Variants in MAGI1 observed in about 807,000 individuals in gnomAD.
MAGI1 encodes the protein membrane-associated guanylate kinase, WW and PDZ domain-containing protein 1.
A neutral mutation model predicts 139.9 loss-of-function variants in MAGI1; 58 were observed. The observed-to-expected ratio is 0.41, with a 90% CI of 0.34 to 0.52. MAGI1 has a LOEUF of 0.52. Among genes scored for constraint, MAGI1 ranks in the 20% least tolerant of loss-of-function variants. The pLI is 0.12. For missense variants in MAGI1, 1,874 were observed against 1,901.6 expected (o/e 0.99, Z 0.27); for synonymous variants, 812 against 737.9 (o/e 1.10, Z -1.63).
chr3:65,799,982 T>C (rs2040412218), intron 1 of MAGI1, among the ~76,000 whole-genome samples: 1 of 152,246 alleles, frequency 6.6e-6, no homozygotes, highest in African/African-American at 2.4e-5. Flanking sequence ...AATAAGTTAA[T>C]ACTACGTTTC....
chr3:66,024,735 G>A (rs1328542581), intron 1 of MAGI1, among the ~76,000 whole-genome samples: 6 of 152,170 alleles, frequency 3.9e-5, no homozygotes, highest in Non-Finnish European at 5.9e-5. Flanking sequence ...GAACCCAGGA[G>A]GCGGAGGTTG....
chr3:65,944,704 C>A (rs914961014), intron 1 of MAGI1, among the ~76,000 whole-genome samples: 5 of 152,000 alleles, frequency 3.3e-5, no homozygotes, highest in Non-Finnish European at 7.4e-5. Flanking sequence ...CAAGAAACTT[C>A]TAGAAGTATG....
chr3:65,829,153 T>C (rs1221159866), intron 1 of MAGI1, among the ~76,000 whole-genome samples: 2 of 152,154 alleles, frequency 1.3e-5, no homozygotes, highest in Non-Finnish European at 2.9e-5. Flanking sequence ...AATAATAAAT[T>C]GTGTTGTTTT....
intron 1 of MAGI1, among the ~76,000 whole-genome samples, chr3:65,750,428 C>A (rs1341910186): frequency 6.6e-6 from 1 of 152,160 alleles, no homozygotes; most frequent in Admixed American, 6.5e-5. Flanking sequence ...ATCAAATTAA[C>A]AAGCTAGATG....
chr3:65,494,801 T>C (rs536968139), intron 2 of MAGI1, among the ~76,000 whole-genome samples: 10 of 152,346 alleles, frequency 6.6e-5, no homozygotes, highest in African/African-American at 2.4e-4. Flanking sequence ...ACACCTACAC[T>C]GGATATTCAC....
intron 3 of MAGI1, among the ~76,000 whole-genome samples, chr3:65,485,804 C>G (rs946982508): frequency 6.6e-6 from 1 of 152,166 alleles, no homozygotes; most frequent in Non-Finnish European, 1.5e-5. Context: ...TTACACAAGT[C>G]AAAGATGATG....
intron 2 of MAGI1, among the ~76,000 whole-genome samples, chr3:65,610,196 G>T (rs144638726): frequency 1.3e-3 from 202 of 152,248 alleles, no homozygotes; most frequent in Non-Finnish European, 1.7e-3. Flanking sequence ...GGATTGGAAT[G>T]GGGTATCTAA....
At chr3:65,756,109 T>C (rs903844377) in intron 1 of MAGI1, among the ~76,000 whole-genome samples, 21 of 152,220 alleles carry the variant, frequency 1.4e-4, no homozygotes, top group African/African-American at 5.1e-4. Context: ...TCGGGGCTTA[T>C]AGACTTCTCT....
chr3:65,726,179 TGATTA>T (rs2033584077), intron 1 of MAGI1, among the ~76,000 whole-genome samples: 1 of 152,218 alleles, frequency 6.6e-6, no homozygotes, highest in East Asian at 1.9e-4. Context: ...GTCTTGTCAT[TGATTA>T]GATTTACATT....
chr3:66,017,283 C>T (rs2067700826), intron 1 of MAGI1, among the ~76,000 whole-genome samples: 1 of 152,214 alleles, frequency 6.6e-6, no homozygotes, highest in African/African-American at 2.4e-5. Flanking sequence ...ACGCGCAGGG[C>T]GCGGCTGCAG....
chr3:65,408,786 T>G (rs746922317), intron 12 of MAGI1, among the ~76,000 whole-genome samples: 17 of 152,200 alleles, frequency 1.1e-4, no homozygotes, highest in Non-Finnish European at 2.4e-4. Flanking sequence ...CTTCACAGTT[T>G]CCACTGAGGG....
intron 1 of MAGI1, among the ~76,000 whole-genome samples, chr3:65,903,404 TC>T: frequency 6.6e-6 from 1 of 152,270 alleles, no homozygotes; most frequent in East Asian, 1.9e-4. Flanking sequence ...GTAACTTCTC[TC>T]TAGAGTTCAG....
chr3:65,511,765 G>C (rs1447370721), intron 2 of MAGI1, among the ~76,000 whole-genome samples: 2 of 148,272 alleles, frequency 1.3e-5, no homozygotes, highest in Non-Finnish European at 3.0e-5. Flanking sequence ...AAGTCAACAA[G>C]GATACCCAGG....
intron 8 of MAGI1, among the ~76,000 whole-genome samples, 192 bp downstream of exon 8, chr3:65,442,597 TTAA>T (rs1234738074): frequency 1.3e-5 from 2 of 152,292 alleles, no homozygotes; most frequent in East Asian, 3.9e-4. Context: ...CCATGTGAAT[TTAA>T]TAATATGATT....
At chr3:65,783,661 A>G (rs549933418) in intron 1 of MAGI1, among the ~76,000 whole-genome samples, 1 of 151,302 alleles carries the variant, frequency 6.6e-6, no homozygotes, top group East Asian at 2.0e-4. Context: ...TGCCCAGCTA[A>G]TTTTTTTTGT....
chr3:65,522,618 G>C (rs1003874025), intron 2 of MAGI1, among the ~76,000 whole-genome samples: 2 of 152,132 alleles, frequency 1.3e-5, no homozygotes, highest in Admixed American at 1.3e-4. Context: ...CACAAATTCT[G>C]TCAATCAAGC....
chr3:65,695,525 T>G (rs1039773676), intron 1 of MAGI1, among the ~76,000 whole-genome samples: 1 of 152,228 alleles, frequency 6.6e-6, no homozygotes, highest in Non-Finnish European at 1.5e-5. Context: ...CAACTCCTTA[T>G]GTTCCAGGTC....
chr3:65,754,792 C>T (rs1169596736), intron 1 of MAGI1, among the ~76,000 whole-genome samples: 1 of 152,054 alleles, frequency 6.6e-6, no homozygotes, highest in African/African-American at 2.4e-5. Context: ...CTGTCCAAAT[C>T]GGAGACTAAA....
At chr3:65,576,571 G>C (rs142810008) in intron 2 of MAGI1, among the ~76,000 whole-genome samples, 2 of 152,146 alleles carry the variant, frequency 1.3e-5, no homozygotes, top group Non-Finnish European at 2.9e-5. Context: ...CTTTTTGCCA[G>C]GCTGTCTCTG....
Sources: allele counts gnomAD v4.1 joint callset (sites outside exome capture counted in the v4.1 genomes callset), GRCh38; gene constraint gnomAD v4.1.1; transcripts MANE v1.5; gene names NCBI Gene and HGNC (gene_info 2026-07-23, HGNC 2026-07-21).